GLE1: variants seen among roughly 807,000 people sequenced by gnomAD.
GLE1 encodes GLE1 RNA export mediator.
Under a neutral mutation model 97.3 loss-of-function variants are expected in GLE1, and 78 were observed. That is an observed-to-expected ratio of 0.80 (90% confidence interval 0.67 to 0.97). GLE1 has a LOEUF of 0.97. GLE1 is among the 50% of genes least tolerant of loss of function. The probability of loss-of-function intolerance (pLI) is 0.00; values close to 1 mark genes in which losing one functional copy is unlikely to be tolerated. For missense variants in GLE1, 753 were observed against 857.5 expected (o/e 0.88, Z 1.52); for synonymous variants, 302 against 313.4 (o/e 0.96, Z 0.39).
intron 3 of GLE1, among the ~76,000 whole-genome samples, chr9:128,519,345 C>G (rs1377435911): frequency 2.6e-5 from 4 of 152,172 alleles, no homozygotes; most frequent in Non-Finnish European, 5.9e-5. Flanking sequence ...CTTTCAAAAG[C>G]AAATGGGAGA....
At chr9:128,537,836 G>A in intron 12 of GLE1, 150 bp from the exon 13 acceptor site, 2 of 684,538 alleles carry the variant, frequency 2.9e-6, no homozygotes, top group South Asian at 3.1e-5. Flanking sequence ...AACAGAATTT[G>A]TTTAGTTTGT....
intron 2 of GLE1, among the ~76,000 whole-genome samples, chr9:128,512,414 T>C (rs1846851256): frequency 6.6e-6 from 1 of 152,204 alleles, no homozygotes; most frequent in African/African-American, 2.4e-5. Flanking sequence ...TTTATTGTAT[T>C]TATGAAAGAC....
At chr9:128,539,807 G>C in intron 14 of GLE1, 109 bp downstream of exon 14, 1 of 1,586,994 alleles carries the variant, frequency 6.3e-7, no homozygotes, top group Non-Finnish European at 8.6e-7. Context: ...AAAAACACCT[G>C]TACTAAGTAT....
In GLE1 at chr9:128,516,067, C is replaced by T. The variant is rs139453849; in HGVS notation, c.432+428C>T. On this transcript the variant is annotated intron_variant, in intron 3 of 15. Coordinates refer to ENST00000309971, the MANE Select transcript of GLE1 (RefSeq NM_001003722.2). ...CACCTCCCAGGTTCAAGTGATTCTC[C>T]TGCCTCAGCCTCCCAAGTAACTAGG... Among the ~76,000 whole-genome samples, 15 of 150,804 alleles carry T rather than the reference C, an allele frequency of 9.9e-5. No homozygotes were observed. The East Asian group carries it at 3.0e-3, about 30-fold the overall frequency.
At chr9:128,540,047 C>G (rs1452893317) in intron 14 of GLE1, among the ~76,000 whole-genome samples, 1 of 151,886 alleles carries the variant, frequency 6.6e-6, no homozygotes, top group African/African-American at 2.4e-5. Flanking sequence ...TAGCAAGACC[C>G]CATCTCTACA....
At chr9:128,522,874 C>G in intron 4 of GLE1, 58 bp downstream of exon 4, 1 of 1,585,556 alleles carries the variant, frequency 6.3e-7, no homozygotes, top group Admixed American at 1.7e-5. Context: ...AACTCTTTCC[C>G]AAGAGGAATT....
intron 9 of GLE1, 151 bp from the exon 10 acceptor site, chr9:128,533,362 G>A (rs1258343850): frequency 4.8e-6 from 3 of 625,762 alleles, no homozygotes; most frequent in African/African-American, 1.9e-5. Flanking sequence ...CTCGGGAGAC[G>A]GAGGTTGCAG....
At position 128,508,903 on chromosome 9, in the gene GLE1, C is replaced by T. The variant is rs749876906; in HGVS notation, c.127C>T (p.Pro43Ser). 1.0e-5 allele frequency: 16 copies of T among 1,606,470 alleles called. No individual in the cohort carries two copies. In the Admixed American group the frequency reaches 2.5e-4, roughly 25 times the overall value. The change falls in exon 2 of 16, where the codon CCC becomes TCC. Residue 43 changes from proline (P) to serine (S), a missense_variant. By Grantham distance (74) the Pro-to-Ser change is moderately conservative. Transcript: ENST00000309971. ...TGTTTTAGAAGAATGTATGTCTCTT[C>T]CCAAGCTATCTTCTTATTCTGGATG... ...EDVLEECMSL[P>S]KLSSYSGWVV...
At position 128,541,239 on chromosome 9, in the gene GLE1, A is replaced by G; in HGVS notation, c.*69A>G. 2.2e-6 allele frequency: 2 copies of G among 903,100 alleles called. No individual in the cohort carries two copies. Among genetic ancestry groups the G allele is most frequent in the Non-Finnish European group, 3.8e-6 (2 of 530,284 alleles). The allele number at this position is 903,100 out of a possible 1,614,324, so 55.9% of individuals were successfully genotyped here. On this transcript the variant is annotated 3_prime_UTR_variant, in exon 16 of 16. Coordinates refer to ENST00000309971, the MANE Select transcript of GLE1 (RefSeq NM_001003722.2). Reference sequence around the variant, plus strand: ...TAATAAAGGAACTGAAGACAGCTGTATTTGGGAGAAGTCATGTCAGATTCA... The same window carrying G: ...TAATAAAGGAACTGAAGACAGCTGTGTTTGGGAGAAGTCATGTCAGATTCA...
In GLE1 at chr9:128,536,727, A is replaced by G. The variant is rs76103237; in HGVS notation, c.1776+243A>G. ...TCTACCAGAGGAGAGTCTGTTATAA[A>G]TCAGTCATTAAGGTTAGAAGATTTT... On this transcript the variant is annotated intron_variant, in intron 12 of 15. Coordinates refer to ENST00000309971, the MANE Select transcript of GLE1 (RefSeq NM_001003722.2). 2,913 of 438,968 alleles carry G rather than the reference A, an allele frequency of 6.6e-3. 66 individuals carry two copies. The highest frequency in any genetic ancestry group is 0.052 in the African/African-American group (2,572 of 49,652). 27.2% of individuals were successfully genotyped at this position (438,968 alleles called of 1,614,324 possible). A position where few individuals can be genotyped will look rare whatever the true frequency, so the allele number is the denominator to read the frequency against.
chr9:128,515,083 T>C (rs552735470), intron 2 of GLE1, among the ~76,000 whole-genome samples: 3 of 152,276 alleles, frequency 2.0e-5, no homozygotes, highest in Admixed American at 2.0e-4. Context: ...CCTCCCAAAG[T>C]ACTGGGATTA....
intron 9 of GLE1, chr9:128,532,689 C>G (rs1266255274): frequency 1.0e-6 from 1 of 973,942 alleles, no homozygotes; most frequent in Non-Finnish European, 1.2e-6. Context: ...GTCTTCATGG[C>G]AGGTACGCAG....
At chr9:128,533,697 G>A in intron 10 of GLE1, 42 bp downstream of exon 10, 1 of 1,612,122 alleles carries the variant, frequency 6.2e-7, no homozygotes, top group Non-Finnish European at 8.5e-7. Context: ...GCAGAGGCTG[G>A]TGTACAAGAT....
chr9:128,508,869 T>C lies in GLE1; in HGVS notation c.100-7T>C, dbSNP rs2132404801. The stretch of plus-strand genomic sequence containing the variant: ...TAAGTTGAGCTTAACCCTATTCTTT[T>C]CTCTAGGATGTTTTAGAAGAATGTA... On this transcript the variant is annotated splice_polypyrimidine_tract_variant and splice_region_variant and intron_variant, in intron 1 of 15. Transcript: ENST00000309971. 1.3e-6 allele frequency: 2 copies of C among 1,516,086 alleles called. No individual in the cohort carries two copies. 93.9% of individuals were successfully genotyped at this position (1,516,086 alleles called of 1,614,324 possible). A position where few individuals can be genotyped will look rare whatever the true frequency, so the allele number is the denominator to read the frequency against.
Position 128,504,734 on chromosome 9 carries a change from C to T in GLE1, c.-72C>T, listed in dbSNP as rs984644264. On this transcript the variant is annotated 5_prime_UTR_variant, in exon 1 of 16. Coordinates refer to ENST00000309971, the MANE Select transcript of GLE1 (RefSeq NM_001003722.2). Reference sequence around the variant, plus strand: ...TCCCGGAAGCAGAAGCCTGTGTGGCCTTCCCGGCGGCTGATTCGAGGGCTT... The same window carrying T: ...TCCCGGAAGCAGAAGCCTGTGTGGCTTTCCCGGCGGCTGATTCGAGGGCTT... The T allele has an allele frequency of 8.6e-6, 9 of 1,048,080 alleles. No homozygotes were observed. Among genetic ancestry groups the T allele is most frequent in the East Asian group, 4.7e-5 (2 of 42,492 alleles). 64.9% of individuals were successfully genotyped at this position (1,048,080 alleles called of 1,614,324 possible).
In GLE1 at chr9:128,536,226, G is replaced by A. The variant is rs921339376; in HGVS notation, c.1647-129G>A. ...TTTTTGTATTTTTAGTAGAGATGGG[G>A]TTTCACCACATTGGCCAGGCTAGTC... On this transcript the variant is annotated intron_variant, in intron 11 of 15. Coordinates refer to ENST00000309971, the MANE Select transcript of GLE1 (RefSeq NM_001003722.2). 1.0e-5 allele frequency: 7 copies of A among 676,756 alleles called. No individual in the cohort carries two copies. The African/African-American group carries it at 1.1e-4, about 10-fold the overall frequency. The allele number at this position is 676,756 out of a possible 1,614,324, so 41.9% of individuals were successfully genotyped here.
chr9:128,511,068 G>T (rs552137938), intron 2 of GLE1, among the ~76,000 whole-genome samples: 1 of 151,058 alleles, frequency 6.6e-6, no homozygotes, highest in African/African-American at 2.4e-5. Flanking sequence ...GCTGGGCGTC[G>T]TGGCGCACGC....
At chr9:128,518,353 G>C (rs1013788894) in intron 3 of GLE1, among the ~76,000 whole-genome samples, 4 of 152,088 alleles carry the variant, frequency 2.6e-5, no homozygotes, top group African/African-American at 9.7e-5. Flanking sequence ...TTGAGGTCAG[G>C]AGTTTGACAC....
chr9:128,510,288 A>G (rs1846771441), intron 2 of GLE1, among the ~76,000 whole-genome samples: 1 of 145,114 alleles, frequency 6.9e-6, no homozygotes, highest in Non-Finnish European at 1.5e-5. Context: ...GAGTGCAGTG[A>G]CGCAATTTCA....
Sources: allele counts gnomAD v4.1 joint callset (sites outside exome capture counted in the v4.1 genomes callset), GRCh38; gene constraint gnomAD v4.1.1; transcripts MANE v1.5; gene names NCBI Gene and HGNC (gene_info 2026-07-23, HGNC 2026-07-21).